Variants in SRD5A2 observed in about 807,000 individuals in gnomAD.
SRD5A2 encodes the protein 3-oxo-5-alpha-steroid 4-dehydrogenase 2.
Under a neutral mutation model 27.4 loss-of-function variants are expected in SRD5A2, and 30 were observed. The observed-to-expected ratio is 1.10, with a 90% confidence interval of 0.82 to 1.49. The LOEUF is 1.49. SRD5A2 is among the 40% of genes most tolerant of loss of function. The pLI, the probability that SRD5A2 is intolerant of heterozygous loss-of-function variation, is 0.00. For missense variants in SRD5A2, 348 were observed against 323.4 expected (o/e 1.08, Z -0.58); for synonymous variants, 141 against 133.6 (o/e 1.06, Z -0.38).
chr2:31,554,376 C>T (rs1666449408), intron 1 of SRD5A2, among the ~76,000 whole-genome samples: 1 of 152,172 alleles, frequency 6.6e-6, no homozygotes, highest in African/African-American at 2.4e-5. Flanking sequence ...AGCAACTCCA[C>T]TGTGAAAATG....
intron 1 of SRD5A2, among the ~76,000 whole-genome samples, chr2:31,547,166 C>A (rs1472282527): frequency 1.3e-5 from 2 of 152,074 alleles, no homozygotes; most frequent in African/African-American, 4.8e-5. Flanking sequence ...CTGTGAAATA[C>A]AATACAGAGT....
At chr2:31,596,892 T>G in the SRD5A2 span, among the ~76,000 whole-genome samples, 2 of 152,060 alleles carry the variant, frequency 1.3e-5, no homozygotes, top group African/African-American at 4.8e-5. Context: ...ATGGGTAGAA[T>G]CAATATTGTG....
the SRD5A2 span, among the ~76,000 whole-genome samples, chr2:31,639,755 T>C: frequency 6.6e-6 from 1 of 152,134 alleles, no homozygotes; most frequent in African/African-American, 2.4e-5. Flanking sequence ...GCATCTTTTC[T>C]TTTGCTGCTT....
chr2:31,546,523 CA>C (rs974752315), intron 1 of SRD5A2, among the ~76,000 whole-genome samples: 1 of 206 alleles, frequency 4.9e-3, no homozygotes, highest in Non-Finnish European at 8.9e-3. Flanking sequence ...TATTCAAAGC[CA>C]AATTAATACA....
chr2:31,648,724 A>G, the SRD5A2 span, among the ~76,000 whole-genome samples: 2 of 152,212 alleles, frequency 1.3e-5, no homozygotes, highest in African/African-American at 2.4e-5. Flanking sequence ...TTGAGCATCT[A>G]TGAACTTGAA....
chr2:31,642,186 C>A, the SRD5A2 span, among the ~76,000 whole-genome samples: 1 of 152,016 alleles, frequency 6.6e-6, no homozygotes, highest in Non-Finnish European at 1.5e-5. Context: ...AATTAGATGT[C>A]CATATACCAA....
intron 4 of SRD5A2, among the ~76,000 whole-genome samples, chr2:31,528,185 G>A (rs772093549): frequency 2.0e-5 from 3 of 152,204 alleles, no homozygotes; most frequent in Non-Finnish European, 4.4e-5. Flanking sequence ...TTTCCCAGCA[G>A]ATAGGGCAGT....
chr2:31,563,393 G>T lies in SRD5A2; in HGVS notation c.281+17227C>A, dbSNP rs1044925167. The stretch of plus-strand genomic sequence containing the variant: ...ATCCTCCAGGCTAGAAAAAAAAAAG[G>T]TAAGTTATATGAAATAATTATTTAC... On this transcript the variant is annotated intron_variant, in intron 1 of 4. Transcript: ENST00000622030. The T allele has an allele frequency of 2.6e-5, 4 of 152,038 alleles. No individual in the cohort carries two copies. The East Asian group carries it at 7.7e-4, about 29-fold the overall frequency. 9.4% of individuals were successfully genotyped at this position (152,038 alleles called of 1,614,324 possible).
chr2:31,536,903 C>A (rs1219981540), intron 1 of SRD5A2, among the ~76,000 whole-genome samples: 1 of 152,072 alleles, frequency 6.6e-6, no homozygotes, highest in South Asian at 2.1e-4. Context: ...AATTTTCATT[C>A]TTTTATGTTT....
At chr2:31,652,258 A>G in the SRD5A2 span, among the ~76,000 whole-genome samples, 2 of 152,182 alleles carry the variant, frequency 1.3e-5, no homozygotes, top group Non-Finnish European at 2.9e-5. Context: ...ACCCAGCCCT[A>G]GTCACTGTTT....
intron 1 of SRD5A2, among the ~76,000 whole-genome samples, chr2:31,558,179 G>A (rs980965636): frequency 3.3e-5 from 5 of 152,152 alleles, no homozygotes; most frequent in East Asian, 1.9e-4. Flanking sequence ...AATACAAAGA[G>A]CCTTTGCCAA....
the SRD5A2 span, among the ~76,000 whole-genome samples, chr2:31,607,671 T>C: frequency 2.0e-5 from 3 of 152,076 alleles, no homozygotes; most frequent in Admixed American, 6.6e-5. Flanking sequence ...GATGAAAGTG[T>C]GTCCTCAGCA....
rs754498175 is a variant in SRD5A2 at position 31,580,748 on chromosome 2, G to C, written c.153C>G (p.Ala51=). 1 of 1,610,226 alleles carries C rather than the reference G, an allele frequency of 6.2e-7. No individual in the cohort carries two copies. Among genetic ancestry groups the C allele is most frequent in the African/African-American group, 1.3e-5 (1 of 75,062 alleles). ...AAGGCAGCTCCTGCAGGAACCAGGC[G>C]GCGCGGGCTGGCAGGCGGGTAGCCG... ...KPAATRLPAR[A]AWFLQELPSF... Residue 51 remains alanine, a synonymous_variant, in exon 1 of 5, where the codon GCC becomes GCG. Transcript: ENST00000622030.
chr2:31,617,475 C>G, the SRD5A2 span, among the ~76,000 whole-genome samples: 1 of 152,202 alleles, frequency 6.6e-6, no homozygotes, highest in East Asian at 1.9e-4. Context: ...CCTCATTACT[C>G]ATGCAAATTT....
chr2:31,546,234 C>T (rs912900841), intron 1 of SRD5A2, among the ~76,000 whole-genome samples: 1 of 151,326 alleles, frequency 6.6e-6, no homozygotes, highest in Middle Eastern at 3.2e-3. Flanking sequence ...TCTCAAGAGA[C>T]ATCAAAAAGC....
At chr2:31,534,232 AC>A (rs1481942020) in intron 1 of SRD5A2, among the ~76,000 whole-genome samples, 1 of 152,168 alleles carries the variant, frequency 6.6e-6, no homozygotes, top group African/African-American at 2.4e-5. Flanking sequence ...TCTACATTAA[AC>A]CTTTCTAATT....
chr2:31,545,717 T>A (rs1054051345), intron 1 of SRD5A2, among the ~76,000 whole-genome samples: 2 of 152,054 alleles, frequency 1.3e-5, no homozygotes, highest in African/African-American at 4.8e-5. Flanking sequence ...GCCAGAGCAA[T>A]TAGACAAGGA....
chr2:31,644,950 T>C, the SRD5A2 span, among the ~76,000 whole-genome samples: 1 of 152,200 alleles, frequency 6.6e-6, no homozygotes, highest in East Asian at 1.9e-4. Context: ...GGCAAGCTTA[T>C]TAATTTATCT....
At chr2:31,530,200 GTTCT>G (rs1054978980) in intron 3 of SRD5A2, among the ~76,000 whole-genome samples, 2 of 152,106 alleles carry the variant, frequency 1.3e-5, no homozygotes, top group Non-Finnish European at 2.9e-5. Context: ...AAACAATTTT[GTTCT>G]TTCTACAGTT....
Sources: allele counts gnomAD v4.1 joint callset (sites outside exome capture counted in the v4.1 genomes callset), GRCh38; gene constraint gnomAD v4.1.1; transcripts MANE v1.5; gene names NCBI Gene and HGNC (gene_info 2026-07-23, HGNC 2026-07-21).